PDXDC1: variants seen among roughly 807,000 people sequenced by gnomAD.
PDXDC1 encodes pyridoxal-dependent decarboxylase domain-containing protein 1.
Under a neutral mutation model 100.1 loss-of-function variants are expected in PDXDC1, and 42 were observed. The ratio of observed to expected loss-of-function variants is 0.42; its 90% confidence interval spans 0.33 to 0.54. The LOEUF is 0.54. PDXDC1 is among the 20% of genes least tolerant of loss of function. PDXDC1 has a pLI of 0.10. For synonymous variants in PDXDC1, 260 were observed against 371.7 expected, an observed-to-expected ratio of 0.70 and a Z score of 3.46; for missense variants, 636 against 979.2, an observed-to-expected ratio of 0.65 and a Z score of 4.68.
intron 16 of PDXDC1, chr16:15,048,170 G>A: frequency 9.3e-7 from 1 of 1,078,132 alleles, no homozygotes; most frequent in Non-Finnish European, 1.4e-6. Flanking sequence ...GATGTGGAGA[G>A]AGCCAAAGTG....
At chr16:15,144,449 G>C in the PDXDC1 span, among the ~76,000 whole-genome samples, 1 of 152,168 alleles carries the variant, frequency 6.6e-6, no homozygotes, top group Non-Finnish European at 1.5e-5. Context: ...CCACTTCCAT[G>C]GGGAGGGCCA....
chr16:15,061,350 T>C (rs1036970236), intron 16 of PDXDC1: 1 of 189,774 alleles, frequency 5.3e-6, no homozygotes, highest in Non-Finnish European at 1.1e-5. Context: ...ATCAGTCAAG[T>C]CCTAAGACCA....
chr16:15,036,161 A>C lies in PDXDC1; in HGVS notation c.2253A>C (p.Gly751=), dbSNP rs139557508. 8 of 1,614,044 alleles carry C rather than the reference A, an allele frequency of 5.0e-6. No homozygotes were observed. In the African/African-American group the frequency reaches 8.0e-5, roughly 16 times the overall value. ...QITLEASSTE[G]HPGAPSPQHT... is the part of the protein sequence containing the mutation. ...CCCTCGAGGCCAGCAGCACTGAGGG[A>C]CACCCAGGGGCTCCCAGCCCTCAGC... The change falls in exon 23 of 23, where the codon GGA becomes GGC. Residue 751 remains glycine (G), a synonymous_variant. Transcript: ENST00000396410.
At chr16:15,088,744 A>G (rs1398723276) in intron 16 of PDXDC1, among the ~76,000 whole-genome samples, 1 of 152,202 alleles carries the variant, frequency 6.6e-6, no homozygotes, top group African/African-American at 2.4e-5. Flanking sequence ...AACGTTCAGT[A>G]TGGCAGGCAT....
rs550507063 is a variant in PDXDC1, at chr16:15,130,384, A to T, written c.1400-8495A>T. ...CACAGGGACGTGTACAGGCCCACGG[A>T]CACCTCCAGCGCCGACAGGCGGAAG... On this transcript the variant is annotated intron_variant, in intron 16 of 16. Transcript: ENST00000535621. 3.7e-5 allele frequency: 58 copies of T among 1,578,560 alleles called. 1 individual carries two copies. The South Asian group carries it at 5.7e-4, about 16-fold the overall frequency.
At chr16:15,130,539 C>T (rs892134704) in intron 16 of PDXDC1, 15 of 1,325,658 alleles carry the variant, frequency 1.1e-5, no homozygotes, top group African/African-American at 2.9e-5. Flanking sequence ...CGGTCCAGTC[C>T]CCTCGCTGCC....
chr16:15,124,472 G>A (rs2047595096), intron 16 of PDXDC1, among the ~76,000 whole-genome samples: 1 of 151,950 alleles, frequency 6.6e-6, no homozygotes, highest in Non-Finnish European at 1.5e-5. Flanking sequence ...TAAGAAACAA[G>A]CAAAACAAAA....
At chr16:15,044,496 T>A (rs1299650039) in intron 16 of PDXDC1, 1 of 858,456 alleles carries the variant, frequency 1.2e-6, no homozygotes, top group East Asian at 2.5e-5. Flanking sequence ...TCAGTTTCCA[T>A]GAACACTTGC....
chr16:15,065,769 G>A (rs1043228653), intron 16 of PDXDC1, among the ~76,000 whole-genome samples: 6 of 152,084 alleles, frequency 3.9e-5, no homozygotes, highest in African/African-American at 7.2e-5. Context: ...GAAGGTTGGT[G>A]GTAAAGGGAT....
chr16:15,077,322 G>A (rs1234381468), intron 16 of PDXDC1, among the ~76,000 whole-genome samples: 2 of 152,148 alleles, frequency 1.3e-5, no homozygotes, highest in Admixed American at 6.5e-5. Flanking sequence ...AGTCACACAT[G>A]TTGCTGGGGG....
chr16:15,061,681 G>T, intron 16 of PDXDC1: 1 of 1,504,060 alleles, frequency 6.6e-7, no homozygotes, highest in Non-Finnish European at 9.2e-7. Context: ...CAAGCTGGGT[G>T]CTGAGGGCAT....
chr16:15,104,791 A>G (rs747804738), intron 16 of PDXDC1: 4 of 1,569,720 alleles, frequency 2.5e-6, no homozygotes, highest in Admixed American at 1.8e-5. Context: ...GTTTTCACAC[A>G]TATTCATTTG....
chr16:15,131,136 G>C, intron 16 of PDXDC1: 1 of 1,602,372 alleles, frequency 6.2e-7, no homozygotes, highest in Non-Finnish European at 8.5e-7. Context: ...CCGCAGGGTT[G>C]CTGCTGTCCA....
At position 15,071,771 on chromosome 16, in the gene PDXDC1, A is replaced by G. The variant is rs568445402; in HGVS notation, c.1399+41715A>G. The stretch of plus-strand genomic sequence containing the variant: ...TGACAGAGTGAGACTCCATCTCAAA[A>G]AACAAACAAACAAAAAACAACAAAA... On this transcript the variant is annotated intron_variant, in intron 16 of 16. Coordinates refer to the PDXDC1 transcript ENST00000535621. Among the ~76,000 whole-genome samples the G allele has an allele frequency of 2.6e-5, 4 of 152,276 alleles. No individual in the cohort carries two copies. The East Asian group carries it at 7.7e-4, about 29-fold the overall frequency.
downstream of PDXDC1, chr16:15,038,347 G>GT (rs1400539136): frequency 4.7e-6 from 3 of 631,968 alleles, no homozygotes; most frequent in Non-Finnish European, 7.7e-6. Flanking sequence ...GCCTGAATTA[G>GT]TAAGAAAAAA....
At chr16:15,117,868 G>C (rs946898031) in intron 16 of PDXDC1, among the ~76,000 whole-genome samples, 1 of 19,582 alleles carries the variant, frequency 5.1e-5, no homozygotes, top group Non-Finnish European at 1.1e-4. Flanking sequence ...TAATTATCTA[G>C]GTGGTAAAAC....
chr16:14,980,358 C>T (rs1445898080), intron 1 of PDXDC1, among the ~76,000 whole-genome samples: 16 of 152,234 alleles, frequency 1.1e-4, no homozygotes, highest in African/African-American at 3.6e-4. Context: ...TGCAGTGGTG[C>T]GATCTCAGCT....
intron 16 of PDXDC1, among the ~76,000 whole-genome samples, chr16:15,129,704 G>A (rs989968650): frequency 1.3e-5 from 2 of 152,078 alleles, no homozygotes; most frequent in Non-Finnish European, 2.9e-5. Context: ...AGCTGTCCTA[G>A]TCCTCAGGGA....
intron 16 of PDXDC1, chr16:15,135,165 G>A (rs1354907200): frequency 3.5e-6 from 3 of 857,928 alleles, no homozygotes; most frequent in African/African-American, 1.7e-5. Context: ...ATTTGCATCA[G>A]AAACAGAGAG....
Sources: gnomAD v4.1 joint callset for allele counts (sites outside exome capture counted in the v4.1 genomes callset) on GRCh38, gnomAD v4.1.1 for gene constraint, MANE v1.5 for transcripts, NCBI Gene and HGNC (gene_info 2026-07-23, HGNC 2026-07-21) for gene names.